SGCD: variants seen among roughly 807,000 people sequenced by gnomAD.
SGCD encodes sarcoglycan delta.
In SGCD, 18 loss-of-function variants were observed where a neutral mutation model predicts 36.6. The observed-to-expected ratio is 0.49, with a 90% CI of 0.34 to 0.73. SGCD has a LOEUF of 0.73. Ranked by LOEUF, SGCD falls within the 30% of genes least tolerant of loss-of-function variation. The pLI is 0.01. For missense variants in SGCD, 387 were observed against 346.7 expected (o/e 1.12, Z -0.92); for synonymous variants, 133 against 130.6 (o/e 1.02, Z -0.12).
At chr5:156,132,428 A>G (rs1444035481) in intron 3 of SGCD, among the ~76,000 whole-genome samples, 1 of 148,338 alleles carries the variant, frequency 6.7e-6, no homozygotes, top group Non-Finnish European at 1.5e-5. Context: ...CTCACAGCAC[A>G]GCAGCGGAAC....
rs139955815 is a variant in SGCD at position 156,030,309 on chromosome 5, G to A, written c.-281-87569G>A. Among the ~76,000 whole-genome samples, 5 of 152,278 alleles carry A rather than the reference G, an allele frequency of 3.3e-5. No individual in the cohort carries two copies. In the East Asian group the frequency reaches 5.8e-4, roughly 18 times the overall value. ...TTTGCAGATGTAATCAAGTTAAGGC[G>A]AGGTCATATTGGGTAAGAGTGAGTC... On this transcript the variant is annotated intron_variant, in intron 1 of 9. Transcript: ENST00000517913.
chr5:156,574,920 C>T (rs778817762), intron 4 of SGCD, among the ~76,000 whole-genome samples: 1 of 152,140 alleles, frequency 6.6e-6, no homozygotes, highest in Non-Finnish European at 1.5e-5. Flanking sequence ...AACAGGGCCT[C>T]ACTGATGGAG....
At chr5:156,390,294 A>G (rs901140657) in intron 3 of SGCD, among the ~76,000 whole-genome samples, 27 of 152,076 alleles carry the variant, frequency 1.8e-4, no homozygotes, top group African/African-American at 6.5e-4. Flanking sequence ...ATCATAGGAG[A>G]TGACAACTTC....
At chr5:156,074,338 C>T (rs1305044315) in intron 1 of SGCD, among the ~76,000 whole-genome samples, 1 of 151,870 alleles carries the variant, frequency 6.6e-6, no homozygotes, top group East Asian at 1.9e-4. Flanking sequence ...AGACACAATC[C>T]AAATGCCATA....
chr5:155,943,761 A>G (rs1431902494), intron 1 of SGCD, among the ~76,000 whole-genome samples: 3 of 149,632 alleles, frequency 2.0e-5, no homozygotes, highest in Non-Finnish European at 4.5e-5. Context: ...GAAAACATGT[A>G]CACACCAACA....
At chr5:156,627,371 A>G (rs1217572534) in intron 6 of SGCD, among the ~76,000 whole-genome samples, 1 of 152,194 alleles carries the variant, frequency 6.6e-6, no homozygotes, top group Non-Finnish European at 1.5e-5. Flanking sequence ...AGCACTTAAC[A>G]GACCTAGGTA....
chr5:155,753,220 C>G, the SGCD span, among the ~76,000 whole-genome samples: 1 of 151,958 alleles, frequency 6.6e-6, no homozygotes, highest in African/African-American at 2.4e-5. Context: ...GCCTGTAGTC[C>G]CACCTACTCG....
chr5:155,746,093 A>T, the SGCD span, among the ~76,000 whole-genome samples: 3 of 152,254 alleles, frequency 2.0e-5, no homozygotes, highest in Non-Finnish European at 4.4e-5. Context: ...AATGTCCATC[A>T]TTAGGAGAGT....
chr5:155,794,085 A>G, the SGCD span, among the ~76,000 whole-genome samples: 1 of 152,140 alleles, frequency 6.6e-6, no homozygotes, highest in East Asian at 1.9e-4. Flanking sequence ...AAGAGAGTAG[A>G]TGTTCAGCTG....
chr5:156,014,304 A>T (rs533172677), intron 1 of SGCD, among the ~76,000 whole-genome samples: 1 of 152,134 alleles, frequency 6.6e-6, no homozygotes, highest in South Asian at 2.1e-4. Context: ...CTCCTTTTTA[A>T]ACTTTTATTT....
chr5:156,611,054 C>T (rs534051745), intron 6 of SGCD, among the ~76,000 whole-genome samples: 1 of 152,336 alleles, frequency 6.6e-6, no homozygotes, highest in South Asian at 2.1e-4. Context: ...CTGTCCTGCA[C>T]CCAGTGTCCA....
chr5:156,070,525 T>C (rs572114663), intron 1 of SGCD, among the ~76,000 whole-genome samples: 48 of 150,746 alleles, frequency 3.2e-4, no homozygotes, highest in African/African-American at 1.1e-3. Context: ...CTGCTGGATT[T>C]GGTTTGCCAG....
At chr5:155,922,994 C>A (rs1756919843) in intron 1 of SGCD, among the ~76,000 whole-genome samples, 2 of 152,152 alleles carry the variant, frequency 1.3e-5, no homozygotes, top group African/African-American at 4.8e-5. Flanking sequence ...AACCATACAG[C>A]ATGAAACATA....
intron 1 of SGCD, among the ~76,000 whole-genome samples, chr5:155,882,634 G>T (rs1376448435): frequency 6.6e-6 from 1 of 152,152 alleles, no homozygotes; most frequent in East Asian, 1.9e-4. Flanking sequence ...TGTCAATGAG[G>T]AGTAATATTT....
the SGCD span, among the ~76,000 whole-genome samples, chr5:155,727,897 C>T: frequency 6.6e-6 from 1 of 152,196 alleles, no homozygotes; most frequent in Non-Finnish European, 1.5e-5. Context: ...CTTTCTTCTC[C>T]CGGGAGTGGA....
intron 3 of SGCD, among the ~76,000 whole-genome samples, chr5:156,260,158 T>G (rs1765821044): frequency 6.6e-6 from 1 of 152,202 alleles, no homozygotes; most frequent in South Asian, 2.1e-4. Context: ...ATTGTAGCCT[T>G]ATAGAGAGCC....
At chr5:156,003,609 A>G (rs1758703974) in intron 1 of SGCD, among the ~76,000 whole-genome samples, 2 of 152,350 alleles carry the variant, frequency 1.3e-5, no homozygotes, top group East Asian at 1.9e-4. Flanking sequence ...TTGACAAGAT[A>G]AATGACTTAA....
intron 3 of SGCD, among the ~76,000 whole-genome samples, chr5:156,318,452 T>C (rs1226969269): frequency 6.6e-6 from 1 of 152,184 alleles, no homozygotes; most frequent in Non-Finnish European, 1.5e-5. Flanking sequence ...GTATCTATCA[T>C]ATCTCCAATC....
the SGCD span, among the ~76,000 whole-genome samples, chr5:155,776,628 G>T: frequency 6.6e-6 from 1 of 151,840 alleles, no homozygotes; most frequent in South Asian, 2.1e-4. Flanking sequence ...GGTCCTTTCC[G>T]CAACACCCCC....
Sources: allele counts gnomAD v4.1 joint callset (sites outside exome capture counted in the v4.1 genomes callset), GRCh38; gene constraint gnomAD v4.1.1; transcripts MANE v1.5; gene names NCBI Gene and HGNC (gene_info 2026-07-23, HGNC 2026-07-21).